Variants in SEC14L1 observed in about 807,000 individuals in gnomAD.
SEC14L1 encodes the protein SEC14-like protein 1.
Under a neutral mutation model 85.3 loss-of-function variants are expected in SEC14L1, and 48 were observed. The observed-to-expected ratio is 0.56, with a 90% confidence interval of 0.45 to 0.72. The LOEUF (loss-of-function observed/expected upper bound fraction) is 0.72. Ranked by LOEUF, SEC14L1 falls within the 30% of genes least tolerant of loss-of-function variation. SEC14L1 has a pLI of 0.00. For synonymous variants in SEC14L1, 391 were observed against 355.5 expected (o/e 1.10, Z -1.12); for missense variants, 682 against 921.4 (o/e 0.74, Z 3.36).
chr17:77,179,250 G>A (rs964309019), intron 3 of SEC14L1, among the ~76,000 whole-genome samples: 8 of 152,140 alleles, frequency 5.3e-5, no homozygotes, highest in South Asian at 2.1e-4. Context: ...ATACCATTGC[G>A]TGGTAAACTG....
At chr17:77,205,045 G>A (rs1312702735) in intron 10 of SEC14L1, among the ~76,000 whole-genome samples, 1 of 152,184 alleles carries the variant, frequency 6.6e-6, no homozygotes, top group Non-Finnish European at 1.5e-5. Flanking sequence ...ACTTTGGATA[G>A]CCGTTACCTT....
Position 77,107,766 on chromosome 17 carries a change from C to T in SEC14L1, c.-136+14419C>T, listed in dbSNP as rs1186761860. Among the ~76,000 whole-genome samples the T allele has an allele frequency of 2.6e-5, 4 of 152,198 alleles. No homozygotes were observed. The East Asian group carries it at 5.8e-4, about 22-fold the overall frequency. On this transcript the variant is annotated intron_variant, in intron 3 of 19. Coordinates refer to the SEC14L1 transcript ENST00000392476. ...ACAGTGGCGTTCTAAAGGTTTCCCA[C>T]GCGCTGACGGCTGAGTTGGTTTTCA...
chr17:77,089,147 C>A, intron 1 of SEC14L1: 2 of 339,724 alleles, frequency 5.9e-6, no homozygotes, highest in Non-Finnish European at 1.2e-5. Flanking sequence ...TACTTTTTCC[C>A]CCAAGGTTTC....
chr17:77,116,862 C>T (rs565434562), intron 3 of SEC14L1, among the ~76,000 whole-genome samples: 2 of 152,266 alleles, frequency 1.3e-5, no homozygotes, highest in African/African-American at 2.4e-5. Flanking sequence ...CTGTCTCATC[C>T]ACCACTGCAG....
chr17:77,215,545 A>G lies in SEC14L1; in HGVS notation c.*1522A>G. The stretch of plus-strand genomic sequence containing the variant: ...CGTGCAGGGATCAGGAGGGCGGGGG[A>G]GGGACCGAGCAGCCCTCTTGCCCGG... On this transcript the variant is annotated 3_prime_UTR_variant, in exon 17 of 17. Coordinates refer to ENST00000436233, the MANE Select transcript of SEC14L1 (RefSeq NM_001143998.2). The G allele has an allele frequency of 1.0e-6, 1 of 986,438 alleles. No homozygotes were observed. Among genetic ancestry groups the G allele is most frequent in the Middle Eastern group, 5.2e-4 (1 of 1,914 alleles). 61.1% of individuals were successfully genotyped at this position (986,438 alleles called of 1,614,324 possible).
chr17:77,159,669 G>A (rs1179928384), intron 3 of SEC14L1, among the ~76,000 whole-genome samples: 1 of 152,100 alleles, frequency 6.6e-6, no homozygotes, highest in African/African-American at 2.4e-5. Context: ...GTGAACCACC[G>A]CTCCCGGCCC....
chr17:77,153,541 AT>A (rs1311567042), intron 3 of SEC14L1, among the ~76,000 whole-genome samples: 2 of 152,134 alleles, frequency 1.3e-5, no homozygotes, highest in Non-Finnish European at 2.9e-5. Context: ...TTATTTATTT[AT>A]TTTTGTAGTT....
chr17:77,103,820 G>C (rs1233459568), intron 3 of SEC14L1, among the ~76,000 whole-genome samples: 1 of 148,238 alleles, frequency 6.7e-6, no homozygotes, highest in Non-Finnish European at 1.5e-5. Context: ...CAGAAGGCCC[G>C]GCTCCATGGG....
intron 3 of SEC14L1, among the ~76,000 whole-genome samples, chr17:77,150,575 G>A (rs993186046): frequency 2.0e-5 from 3 of 152,156 alleles, no homozygotes; most frequent in Admixed American, 6.5e-5. Context: ...ATGGACTCGC[G>A]ACTCATATAT....
At chr17:77,188,800 G>A (rs1325696234) in intron 3 of SEC14L1, among the ~76,000 whole-genome samples, 4 of 152,150 alleles carry the variant, frequency 2.6e-5, no homozygotes, top group Non-Finnish European at 5.9e-5. Flanking sequence ...AACCAGCACT[G>A]TGTTTTATTT....
chr17:77,151,327 G>C (rs1188332073), intron 3 of SEC14L1, among the ~76,000 whole-genome samples: 1 of 152,184 alleles, frequency 6.6e-6, no homozygotes, highest in Non-Finnish European at 1.5e-5. Context: ...CTGGGGTGGT[G>C]TAATTAGTCA....
chr17:77,155,341 C>G (rs572777517), intron 3 of SEC14L1, among the ~76,000 whole-genome samples: 15 of 152,154 alleles, frequency 9.9e-5, no homozygotes, highest in Non-Finnish European at 2.1e-4. Context: ...CACACACCCA[C>G]CCCAGTAAAA....
chr17:77,095,220 A>G (rs949307761), intron 3 of SEC14L1, among the ~76,000 whole-genome samples: 1 of 152,224 alleles, frequency 6.6e-6, no homozygotes, highest in African/African-American at 2.4e-5. Flanking sequence ...TGGAAAATGG[A>G]CAGAGCTGTT....
chr17:77,164,806 G>A (rs911763800), intron 3 of SEC14L1, among the ~76,000 whole-genome samples: 7 of 152,164 alleles, frequency 4.6e-5, no homozygotes, highest in African/African-American at 1.4e-4. Context: ...GGTACAGTGT[G>A]GAGTCTGGCA....
At chr17:77,149,766 A>G (rs943908325) in intron 3 of SEC14L1, among the ~76,000 whole-genome samples, 1 of 152,148 alleles carries the variant, frequency 6.6e-6, no homozygotes, top group African/African-American at 2.4e-5. Context: ...TGTTTTCTAC[A>G]TGGAACAGAA....
chr17:77,136,637 GGTGTGCACGCATGT>G (rs1205950153), upstream of SEC14L1, among the ~76,000 whole-genome samples: 1 of 152,094 alleles, frequency 6.6e-6, no homozygotes, highest in African/African-American at 2.4e-5. Flanking sequence ...TTTGCTTATG[GGTGTGCACGCATGT>G]GTGTGCACGT....
chr17:77,210,045 G>C (rs1392918959), intron 14 of SEC14L1: 1 of 152,330 alleles, frequency 6.6e-6, no homozygotes, highest in Admixed American at 6.5e-5. Flanking sequence ...GTTTCACCAT[G>C]TTGGCCAGGC....
chr17:77,100,982 T>C (rs1971766181), intron 3 of SEC14L1, among the ~76,000 whole-genome samples: 1 of 152,216 alleles, frequency 6.6e-6, no homozygotes, highest in South Asian at 2.1e-4. Flanking sequence ...ATATAAGAGC[T>C]GGATTATTGT....
intron 3 of SEC14L1, 67 bp downstream of exon 3, chr17:77,143,726 T>C (rs988818938): frequency 3.4e-6 from 4 of 1,168,026 alleles, no homozygotes; most frequent in Non-Finnish European, 5.1e-6. Flanking sequence ...TAGAATTTGA[T>C]GATCTATAGA....
Sources: allele counts gnomAD v4.1 joint callset (sites outside exome capture counted in the v4.1 genomes callset), GRCh38; gene constraint gnomAD v4.1.1; transcripts MANE v1.5; gene names NCBI Gene and HGNC (gene_info 2026-07-23, HGNC 2026-07-21).